The following CTNNA3 variants were observed in gnomAD, a reference collection of about 807,000 sequenced individuals.
CTNNA3 encodes the protein catenin alpha 3, also known as catenin alpha-3.
A neutral mutation model predicts 95.7 loss-of-function variants in CTNNA3; 76 were observed. That is an observed-to-expected ratio of 0.79 (90% CI 0.66 to 0.96). The LOEUF (loss-of-function observed/expected upper bound fraction) is 0.96. Ranked by LOEUF, CTNNA3 falls within the 40% of genes least tolerant of loss-of-function variation. The probability of loss-of-function intolerance (pLI) is 0.00; values close to 1 mark genes in which losing one functional copy is unlikely to be tolerated. For synonymous variants in CTNNA3, 431 were observed against 374.4 expected (o/e 1.15, Z -1.74); for missense variants, 1,191 against 1,089.8 (o/e 1.09, Z -1.31).
At chr10:67,405,613 C>T (rs879354837) in intron 5 of CTNNA3, among the ~76,000 whole-genome samples, 7 of 152,096 alleles carry the variant, frequency 4.6e-5, no homozygotes, top group Non-Finnish European at 1.0e-4. Context: ...TTTAAAACCC[C>T]ATTGACAATA....
chr10:66,453,978 C>A (rs1490320097), intron 11 of CTNNA3, among the ~76,000 whole-genome samples: 1 of 152,102 alleles, frequency 6.6e-6, no homozygotes, highest in Non-Finnish European at 1.5e-5. Context: ...AGATAGGGAG[C>A]TTATCCTGAA....
chr10:67,314,601 T>A (rs1007276416), intron 5 of CTNNA3, among the ~76,000 whole-genome samples: 1 of 152,152 alleles, frequency 6.6e-6, no homozygotes, highest in African/African-American at 2.4e-5. Context: ...AGGCAACAAA[T>A]ACTCAACAAG....
chr10:65,953,459 ATG>A (rs112338910), intron 17 of CTNNA3, among the ~76,000 whole-genome samples: 5,872 of 151,958 alleles, frequency 0.039, 371 homozygotes, highest in African/African-American at 0.13. Context: ...ATATGTATAC[ATG>A]TGCCAAGTTG....
intron 14 of CTNNA3, among the ~76,000 whole-genome samples, chr10:66,083,744 C>A (rs1255040995): frequency 6.6e-6 from 1 of 152,032 alleles, no homozygotes; most frequent in Non-Finnish European, 1.5e-5. Context: ...GATATTGTGT[C>A]CCAAATATAA....
At chr10:67,186,041 A>T (rs1027190869) in intron 6 of CTNNA3, among the ~76,000 whole-genome samples, 11 of 151,816 alleles carry the variant, frequency 7.2e-5, no homozygotes, top group African/African-American at 2.4e-4. Flanking sequence ...AAAAAAAAAA[A>T]AAAAATTAAA....
intron 12 of CTNNA3, among the ~76,000 whole-genome samples, chr10:66,365,193 T>C (rs1473804406): frequency 1.3e-5 from 2 of 152,134 alleles, no homozygotes; most frequent in African/African-American, 4.8e-5. Context: ...CACCATGGAA[T>C]ACTATGCAGC....
intron 11 of CTNNA3, among the ~76,000 whole-genome samples, chr10:66,429,564 T>G (rs1278932212): frequency 5.3e-5 from 8 of 152,216 alleles, no homozygotes; most frequent in Non-Finnish European, 4.4e-5. Context: ...ACGATCAAGT[T>G]GGCTTCATCC....
At chr10:66,125,679 G>T (rs1026360854) in intron 13 of CTNNA3, among the ~76,000 whole-genome samples, 6 of 152,072 alleles carry the variant, frequency 3.9e-5, no homozygotes, top group African/African-American at 1.4e-4. Context: ...ATAAAGAAAT[G>T]AACTATCAAG....
chr10:66,689,176 CACTT>C (rs1194683685), intron 9 of CTNNA3, among the ~76,000 whole-genome samples: 4 of 151,998 alleles, frequency 2.6e-5, no homozygotes, highest in Non-Finnish European at 5.9e-5. Context: ...AAGCCTGAGA[CACTT>C]AGGGCAGAGG....
chr10:65,963,170 CA>C (rs1404024925), intron 17 of CTNNA3, among the ~76,000 whole-genome samples: 4 of 152,068 alleles, frequency 2.6e-5, no homozygotes, highest in African/African-American at 9.7e-5. Context: ...TCATTACTCT[CA>C]ATTGCCTACA....
intron 5 of CTNNA3, among the ~76,000 whole-genome samples, chr10:67,375,543 G>C (rs944226676): frequency 6.6e-6 from 1 of 151,932 alleles, no homozygotes; most frequent in Non-Finnish European, 1.5e-5. Flanking sequence ...AACTCGGGAG[G>C]CAGAAGTTGC....
intron 2 of CTNNA3, among the ~76,000 whole-genome samples, chr10:67,636,606 T>C (rs1257389995): frequency 6.6e-6 from 1 of 152,174 alleles, no homozygotes; most frequent in Admixed American, 6.6e-5. Flanking sequence ...CTGGGAGAAC[T>C]GGCTAGCCAC....
At chr10:67,752,394 T>C (rs1446233788) in intron 1 of CTNNA3, among the ~76,000 whole-genome samples, 2 of 152,144 alleles carry the variant, frequency 1.3e-5, no homozygotes, top group African/African-American at 4.8e-5. Context: ...GCTGGAAGCA[T>C]TCCCCTTGAA....
At chr10:67,394,074 A>G (rs1035326649) in intron 5 of CTNNA3, among the ~76,000 whole-genome samples, 1 of 152,148 alleles carries the variant, frequency 6.6e-6, no homozygotes, top group African/African-American at 2.4e-5. Context: ...TAACGATGAG[A>G]CCAGTTGCGG....
intron 9 of CTNNA3, among the ~76,000 whole-genome samples, chr10:66,651,349 G>C (rs1303971167): frequency 1.3e-5 from 2 of 152,178 alleles, no homozygotes; most frequent in Admixed American, 1.3e-4. Context: ...CCTCCAGCTA[G>C]ACAAAAAAGT....
rs79811158 is a variant in CTNNA3 at position 66,285,324 on chromosome 10, T to A, written c.1733-4703A>T. On this transcript the variant is annotated intron_variant, in intron 12 of 17. Coordinates refer to ENST00000433211, the MANE Select transcript of CTNNA3 (RefSeq NM_013266.4). ...TTTTCTACATATGAAACGCTAATCA[T>A]TTAATTAGCCTGAGTGTCCACCTTT... Among the ~76,000 whole-genome samples the A allele has an allele frequency of 9.4e-3, 1,427 of 152,084 alleles. 15 individuals are homozygous for A. The highest frequency in any genetic ancestry group is 0.032 in the African/African-American group (1,318 of 41,540).
At chr10:66,100,421 T>C (rs908140197) in intron 14 of CTNNA3, among the ~76,000 whole-genome samples, 1 of 152,142 alleles carries the variant, frequency 6.6e-6, no homozygotes, top group African/African-American at 2.4e-5. Flanking sequence ...ATTTGGGATT[T>C]ATGCAGAGGA....
intron 5 of CTNNA3, among the ~76,000 whole-genome samples, chr10:67,347,799 C>A (rs1589196149): frequency 7.6e-6 from 1 of 131,852 alleles, no homozygotes; most frequent in African/African-American, 2.8e-5. Context: ...TTATATGATG[C>A]ATCAGATAGA....
At chr10:67,612,243 A>G (rs968809324) in intron 2 of CTNNA3, among the ~76,000 whole-genome samples, 1 of 152,240 alleles carries the variant, frequency 6.6e-6, no homozygotes, top group Non-Finnish European at 1.5e-5. Context: ...CATTCAGGAA[A>G]TAAATATGAA....
Sources: gnomAD v4.1 joint callset for allele counts (sites outside exome capture counted in the v4.1 genomes callset) on GRCh38, gnomAD v4.1.1 for gene constraint, MANE v1.5 for transcripts, NCBI Gene and HGNC (gene_info 2026-07-23, HGNC 2026-07-21) for gene names.